Variants in CCDC91 observed in about 807,000 individuals in gnomAD.
The protein encoded by CCDC91 is coiled-coil domain-containing protein 91.
In CCDC91, 48 loss-of-function variants were observed where a neutral mutation model predicts 63.2. The observed-to-expected ratio is 0.76, with a 90% confidence interval of 0.60 to 0.97. The LOEUF is 0.97. CCDC91 is among the 50% of genes least tolerant of loss of function. The pLI is 0.00. For missense variants in CCDC91, 500 were observed against 494.6 expected, an observed-to-expected ratio of 1.01 and a Z score of -0.10; for synonymous variants, 167 against 165.8, an observed-to-expected ratio of 1.01 and a Z score of -0.06.
intron 3 of CCDC91, among the ~76,000 whole-genome samples, chr12:28,288,579 T>C (rs1386903595): frequency 6.6e-6 from 1 of 152,180 alleles, no homozygotes; most frequent in Non-Finnish European, 1.5e-5. Context: ...GATGTGCTGC[T>C]GGATTTGGTT....
intron 1 of CCDC91, among the ~76,000 whole-genome samples, chr12:28,240,906 A>G (rs1945284439): frequency 6.6e-6 from 1 of 152,098 alleles, no homozygotes; most frequent in Non-Finnish European, 1.5e-5. Flanking sequence ...GCTTGCCCTT[A>G]TAGGAGGTAT....
intron 7 of CCDC91, among the ~76,000 whole-genome samples, chr12:28,385,181 A>T (rs376916278): frequency 2.6e-5 from 4 of 152,274 alleles, no homozygotes; most frequent in South Asian, 4.1e-4. Context: ...ATAATTTGTG[A>T]TATTTTTCCA....
chr12:28,374,325 C>T (rs1282133097), intron 7 of CCDC91, among the ~76,000 whole-genome samples: 1 of 152,078 alleles, frequency 6.6e-6, no homozygotes, highest in Non-Finnish European at 1.5e-5. Context: ...GTCATCTGGT[C>T]GTATTGGATC....
chr12:28,395,975 C>A (rs1038998424), intron 8 of CCDC91, among the ~76,000 whole-genome samples: 1 of 152,030 alleles, frequency 6.6e-6, no homozygotes, highest in East Asian at 1.9e-4. Flanking sequence ...GTTATAGGAA[C>A]GTAACAGTGA....
chr12:28,549,837 T>C lies in CCDC91; in HGVS notation c.*664T>C, dbSNP rs1943217836. 1 of 152,154 alleles carries C rather than the reference T, an allele frequency of 6.6e-6. No homozygotes were observed. Among genetic ancestry groups the C allele is most frequent in the African/African-American group, 2.4e-5 (1 of 41,454 alleles). The allele number at this position is 152,154 out of a possible 1,614,324, so 9.4% of individuals were successfully genotyped here. A position where few individuals can be genotyped will look rare whatever the true frequency, so the allele number is the denominator to read the frequency against. On this transcript the variant is annotated 3_prime_UTR_variant, in exon 13 of 13. Transcript: ENST00000536442. ...GTGTATGCTTGTTTCCTATTTCTGCTCTTTAAAGATACTTTGAATCAATAA... is the reference window on the plus strand; with the variant it reads ...GTGTATGCTTGTTTCCTATTTCTGCCCTTTAAAGATACTTTGAATCAATAA...
Position 28,269,993 on chromosome 12 carries a change from A to C in CCDC91, c.109+10551A>C, listed in dbSNP as rs148253596. Reference sequence around the variant, plus strand: ...GTATGCATTAATTTTTTTCCTTATTAAAGCATTGCTGAGGTGATAATCATT... The same window carrying C: ...GTATGCATTAATTTTTTTCCTTATTCAAGCATTGCTGAGGTGATAATCATT... On this transcript the variant is annotated intron_variant, in intron 3 of 12. Transcript: ENST00000536442. Among the ~76,000 whole-genome samples the C allele has an allele frequency of 5.5e-3, 834 of 152,106 alleles. 2 individuals are homozygous for C. Among genetic ancestry groups the C allele is most frequent in the Non-Finnish European group, 9.1e-3 (620 of 67,968 alleles).
chr12:28,470,400 G>A (rs1024120905), intron 11 of CCDC91, among the ~76,000 whole-genome samples: 9 of 152,102 alleles, frequency 5.9e-5, no homozygotes, highest in African/African-American at 2.2e-4. Flanking sequence ...TCTCACCCCA[G>A]TTAAAATGGC....
rs572196022 is a variant in CCDC91, at chr12:28,523,294, C to A, written c.1216-25769C>A. ...GCATATATATTTAGGATAGTTAGTT[C>A]TTCTTGTTGAATTGATCCCTTTACC... On this transcript the variant is annotated intron_variant, in intron 12 of 12. Transcript: ENST00000536442. Among the ~76,000 whole-genome samples the A allele has an allele frequency of 1.6e-3, 247 of 152,228 alleles. 2 individuals carry two copies. Among genetic ancestry groups the A allele is most frequent in the Non-Finnish European group, 2.9e-3 (198 of 68,014 alleles).
chr12:28,525,849 TC>T (rs1941212242), intron 12 of CCDC91, among the ~76,000 whole-genome samples: 1 of 152,136 alleles, frequency 6.6e-6, no homozygotes, highest in Admixed American at 6.5e-5. Context: ...TTATATAATG[TC>T]CCTCTTTGTC....
intron 6 of CCDC91, among the ~76,000 whole-genome samples, chr12:28,334,235 T>C (rs1414557466): frequency 2.6e-5 from 4 of 152,260 alleles, no homozygotes; most frequent in Admixed American, 6.5e-5. Context: ...CTTGCAGATA[T>C]GGATATCTGG....
At chr12:28,451,185 T>G (rs1949786054) in intron 10 of CCDC91, among the ~76,000 whole-genome samples, 1 of 151,674 alleles carries the variant, frequency 6.6e-6, no homozygotes, top group South Asian at 2.1e-4. Context: ...ATGTTTGTGA[T>G]CTAATGGTAA....
chr12:28,455,964 C>T (rs968899752), intron 11 of CCDC91, among the ~76,000 whole-genome samples: 2 of 152,058 alleles, frequency 1.3e-5, no homozygotes, highest in Admixed American at 6.6e-5. Flanking sequence ...AGTCAGTATT[C>T]AAATTCAGGC....
intron 12 of CCDC91, among the ~76,000 whole-genome samples, chr12:28,528,720 C>A (rs1565528287): frequency 1.3e-5 from 2 of 152,056 alleles, no homozygotes; most frequent in African/African-American, 4.8e-5. Context: ...TTGTGACTTA[C>A]CCAGAGGATG....
chr12:28,482,969 G>T (rs1299308961), intron 11 of CCDC91, among the ~76,000 whole-genome samples: 1 of 151,838 alleles, frequency 6.6e-6, no homozygotes, highest in Non-Finnish European at 1.5e-5. Context: ...AAATGTCCAA[G>T]ATATAAGTAA....
intron 12 of CCDC91, among the ~76,000 whole-genome samples, chr12:28,502,357 T>C (rs1938030620): frequency 6.6e-6 from 1 of 151,858 alleles, no homozygotes; most frequent in South Asian, 2.1e-4. Flanking sequence ...ATAAAGTACC[T>C]AGGAATCCAA....
At chr12:28,411,712 G>T (rs931544003) in intron 8 of CCDC91, among the ~76,000 whole-genome samples, 11 of 152,110 alleles carry the variant, frequency 7.2e-5, no homozygotes, top group Non-Finnish European at 8.8e-5. Context: ...TAATAGAAAA[G>T]AAATTTTCCT....
chr12:28,412,229 T>C (rs1015609273), intron 8 of CCDC91, among the ~76,000 whole-genome samples: 1 of 152,218 alleles, frequency 6.6e-6, no homozygotes, highest in African/African-American at 2.4e-5. Context: ...CACATTTCTC[T>C]GAATGTGTTC....
At chr12:28,535,063 A>G (rs1462490186) in intron 12 of CCDC91, among the ~76,000 whole-genome samples, 1 of 152,208 alleles carries the variant, frequency 6.6e-6, no homozygotes, top group Non-Finnish European at 1.5e-5. Flanking sequence ...CCAGATTTTT[A>G]TAGAAAAGTA....
intron 3 of CCDC91, among the ~76,000 whole-genome samples, chr12:28,261,301 A>T (rs1026269267): frequency 6.6e-6 from 1 of 151,992 alleles, no homozygotes; most frequent in African/African-American, 2.4e-5. Context: ...GAGTTTTCCC[A>T]TTGATAATGA....
Sources: gnomAD v4.1 joint callset for allele counts (sites outside exome capture counted in the v4.1 genomes callset) on GRCh38, gnomAD v4.1.1 for gene constraint, MANE v1.5 for transcripts, NCBI Gene and HGNC (gene_info 2026-07-23, HGNC 2026-07-21) for gene names.